SPEN: variants seen among roughly 807,000 people sequenced by gnomAD.
The protein encoded by SPEN is spen family transcriptional repressor, also known as msx2-interacting protein.
Under a neutral mutation model 269.9 loss-of-function variants are expected in SPEN, and 18 were observed. The ratio of observed to expected loss-of-function variants is 0.07; its 90% CI spans 0.05 to 0.10. SPEN has a LOEUF of 0.10. Ranked by LOEUF, SPEN falls within the 10% of genes least tolerant of loss-of-function variation. The pLI, the probability that SPEN is intolerant of heterozygous loss-of-function variation, is 1.00. For synonymous variants in SPEN, 1,726 were observed against 1,765.7 expected, an observed-to-expected ratio of 0.98 and a Z score of 0.56; for missense variants, 3,822 against 4,631.2, an observed-to-expected ratio of 0.83 and a Z score of 5.07.
intron 3 of SPEN, among the ~76,000 whole-genome samples, chr1:15,886,801 A>C (rs541481044): frequency 1.3e-5 from 2 of 152,274 alleles, no homozygotes; most frequent in South Asian, 4.1e-4. Context: ...CGTTGCTTTT[A>C]GTTAGGTTAG....
At chr1:15,868,004 T>C (rs960742096) in intron 1 of SPEN, among the ~76,000 whole-genome samples, 1 of 151,950 alleles carries the variant, frequency 6.6e-6, no homozygotes, top group African/African-American at 2.4e-5. Flanking sequence ...TAGCTAATTT[T>C]TGTGTATTTT....
At chr1:15,893,243 A>T (rs1322638782) in intron 3 of SPEN, among the ~76,000 whole-genome samples, 1 of 152,236 alleles carries the variant, frequency 6.6e-6, no homozygotes, top group Non-Finnish European at 1.5e-5. Flanking sequence ...TAGAAGACAG[A>T]AATAATACAC....
intron 1 of SPEN, among the ~76,000 whole-genome samples, chr1:15,866,568 T>G (rs2148707932): frequency 6.6e-6 from 1 of 152,268 alleles, no homozygotes; most frequent in Non-Finnish European, 1.5e-5. Flanking sequence ...TTAGCCAGGA[T>G]AGTCTCGATC....
rs563704625 is a variant in SPEN at position 15,877,300 on chromosome 1, A to G, written c.881+622A>G. 2.0e-4 allele frequency among the ~76,000 whole-genome samples: 30 copies of G among 152,294 alleles called. 1 individual carries two copies. In the Middle Eastern group the frequency reaches 0.01, roughly 52 times the overall value. Reference sequence around the variant, plus strand: ...ATATATATATTTTAAAGACAGTCTCACTGTGTCACCAAGGCTGGAGTGCAG... The same window carrying G: ...ATATATATATTTTAAAGACAGTCTCGCTGTGTCACCAAGGCTGGAGTGCAG... On this transcript the variant is annotated intron_variant, in intron 3 of 14. Coordinates refer to ENST00000375759, the MANE Select transcript of SPEN (RefSeq NM_015001.3).
At position 15,859,443 on chromosome 1, in the gene SPEN, C is replaced by A. The variant is rs59491116; in HGVS notation, c.83+11293C>A. On this transcript the variant is annotated intron_variant, in intron 1 of 14. Transcript: ENST00000375759. ...CGGGATCTCGGCTCACTGCAAGCTC[C>A]GCCTCCTGGGTTCACACCATTCTCC... Among the ~76,000 whole-genome samples the A allele has an allele frequency of 4.1e-4, 61 of 150,084 alleles. 2 individuals are homozygous for A. Among genetic ancestry groups the A allele is most frequent in the Admixed American group, 3.9e-3 (58 of 15,056 alleles).
chr1:15,873,350 A>G (rs1288836522), intron 2 of SPEN: 31 of 985,214 alleles, frequency 3.1e-5, no homozygotes, highest in Non-Finnish European at 3.7e-5. Context: ...TCTGTTCCTG[A>G]GATATAATGT....
At chr1:15,877,933 C>T (rs577396599) in intron 3 of SPEN, among the ~76,000 whole-genome samples, 2 of 151,126 alleles carry the variant, frequency 1.3e-5, no homozygotes, top group East Asian at 2.0e-4. Flanking sequence ...TTAGTAGAAA[C>T]GGGGTTTTAC....
At chr1:15,859,397 G>A (rs1390675825) in intron 1 of SPEN, among the ~76,000 whole-genome samples, 5 of 128,926 alleles carry the variant, frequency 3.9e-5, no homozygotes, top group South Asian at 4.6e-4. Flanking sequence ...TTGCTCTGTC[G>A]CCCAGGCTGG....
intron 3 of SPEN, among the ~76,000 whole-genome samples, chr1:15,907,845 GT>G (rs974558528): frequency 3.3e-5 from 5 of 152,098 alleles, no homozygotes; most frequent in South Asian, 2.1e-4. Flanking sequence ...GCATAATAAA[GT>G]TTTTTTCTAT....
At chr1:15,875,424 T>C (rs1386513049) in intron 2 of SPEN, among the ~76,000 whole-genome samples, 1 of 152,130 alleles carries the variant, frequency 6.6e-6, no homozygotes, top group African/African-American at 2.4e-5. Flanking sequence ...CATTAAGAAA[T>C]TGAATCATGG....
At position 15,933,193 on chromosome 1, in the gene SPEN, C is replaced by G. The variant is rs761621829; in HGVS notation, c.6953C>G (p.Ser2318Cys). ...CACTCAGTGCCAGAAGCCAAAGGGT[C>G]TAAAGAAGTGGAAGTCACTCTTGTT... is the stretch of plus-strand genomic sequence containing the variant. ...TSHSVPEAKG[S>C]KEVEVTLVRK... The change falls in exon 11 of 15, where the codon TCT (serine) becomes TGT (cysteine). Residue 2318 changes from serine to cysteine, a missense_variant. Transcript: ENST00000375759. This position sits in a 1 kb window ranked among gnomAD's most constrained non-coding sequence, Gnocchi z 5.7. 2 of 1,614,154 alleles carry G rather than the reference C, an allele frequency of 1.2e-6. No homozygotes were observed. The highest frequency in any genetic ancestry group is 2.2e-5 in the South Asian group (2 of 91,074).
chr1:15,919,165 A>G (rs1302964001), intron 7 of SPEN, 114 bp downstream of exon 7: 1 of 907,832 alleles, frequency 1.1e-6, no homozygotes, highest in Non-Finnish European at 1.6e-6. Flanking sequence ...AAGACAGATA[A>G]CCATAAAAGT....
rs958387010 is a variant in SPEN at position 15,916,046 on chromosome 1, T to A, written c.1244-82T>A. The A allele has an allele frequency of 2.0e-6, 3 of 1,470,336 alleles. No individual in the cohort carries two copies. The African/African-American group carries it at 4.3e-5, about 21-fold the overall frequency. The allele number at this position is 1,470,336 out of a possible 1,614,324, so 91.1% of individuals were successfully genotyped here. A position where few individuals can be genotyped will look rare whatever the true frequency, so the allele number is the denominator to read the frequency against. On this transcript the variant is annotated intron_variant, in intron 5 of 14. Transcript: ENST00000375759. ...CCATTATTTCAGACATTTTGTTTTTTAAATGTAGATTTTTCCATGATATAT... is the reference window on the plus strand; with the variant it reads ...CCATTATTTCAGACATTTTGTTTTTAAAATGTAGATTTTTCCATGATATAT...
chr1:15,871,872 A>C (rs2070579248), intron 1 of SPEN, among the ~76,000 whole-genome samples: 1 of 152,154 alleles, frequency 6.6e-6, no homozygotes, highest in African/African-American at 2.4e-5. Context: ...AGATTTTTAA[A>C]TTACTTTGAT....
chr1:15,937,766 A>G lies in SPEN; in HGVS notation c.10510-46A>G, dbSNP rs1402823563. On this transcript the variant is annotated intron_variant, in intron 12 of 14. Coordinates refer to ENST00000375759, the MANE Select transcript of SPEN (RefSeq NM_015001.3). This position sits in a 1 kb window ranked among gnomAD's most constrained non-coding sequence, Gnocchi z 5.7. Reference sequence around the variant, plus strand: ...CCTCTGGCTGTGTCCAGCATGGCTCAGCGAGGGGCCATGAGCTCACTTCCT... The same window carrying G: ...CCTCTGGCTGTGTCCAGCATGGCTCGGCGAGGGGCCATGAGCTCACTTCCT... 1 of 1,611,210 alleles carries G rather than the reference A, an allele frequency of 6.2e-7. No individual in the cohort carries two copies. The highest frequency in any genetic ancestry group is 8.5e-7 in the Non-Finnish European group (1 of 1,178,676).
At chr1:15,880,447 T>C (rs2070675720) in intron 3 of SPEN, among the ~76,000 whole-genome samples, 1 of 150,648 alleles carries the variant, frequency 6.6e-6, no homozygotes, top group Non-Finnish European at 1.5e-5. Flanking sequence ...TTTTATGTAA[T>C]TATAGCTTTT....
chr1:15,873,267 C>A, intron 2 of SPEN, 131 bp downstream of exon 2: 1 of 1,399,268 alleles, frequency 7.1e-7, no homozygotes, highest in South Asian at 1.8e-5. Context: ...GGGTTGGAAA[C>A]GGAAGTGATT....
At position 15,929,919 on chromosome 1, in the gene SPEN, A is replaced by G. The variant is rs772212347; in HGVS notation, c.3679A>G (p.Lys1227Glu). 1.2e-6 allele frequency: 2 copies of G among 1,614,136 alleles called. No individual in the cohort carries two copies. The highest frequency in any genetic ancestry group is 1.7e-6 in the Non-Finnish European group (2 of 1,180,034). The change falls in exon 11 of 15, where the codon AAG becomes GAG. Residue 1227 changes from lysine to glutamate, a missense_variant. This residue lies in a region of SPEN where 267 missense variants were observed against 315.5 expected (regional missense o/e 0.85). Coordinates refer to ENST00000375759, the MANE Select transcript of SPEN (RefSeq NM_015001.3). This position sits in a 1 kb window ranked among gnomAD's most constrained non-coding sequence, Gnocchi z 5.8. ...DVTDDSPPSK[K>E]KRMDHVDFDI... is the part of the protein sequence containing the mutation. Reference sequence around the variant, plus strand: ...CACTGATGACTCTCCTCCTAGCAAAAAGAAAAGGATGGATCATGTCGATTT... The same window carrying G: ...CACTGATGACTCTCCTCCTAGCAAAGAGAAAAGGATGGATCATGTCGATTT...
At chr1:15,883,393 G>C (rs1246539739) in intron 3 of SPEN, among the ~76,000 whole-genome samples, 1 of 152,154 alleles carries the variant, frequency 6.6e-6, no homozygotes, top group African/African-American at 2.4e-5. Context: ...CTCTTCTCCA[G>C]TGTGTTAGCT....
Sources: gnomAD v4.1 joint callset for allele counts (sites outside exome capture counted in the v4.1 genomes callset) on GRCh38, gnomAD v4.1.1 for gene constraint, gnomAD v4.1.1 regional missense constraint, Gnocchi (gnomAD v3.1) non-coding constraint, MANE v1.5 for transcripts, NCBI Gene and HGNC (gene_info 2026-07-23, HGNC 2026-07-21) for gene names.